Variants in CES5A observed in about 807,000 individuals in gnomAD.
The protein encoded by CES5A is carboxylesterase 5.
In CES5A, 67 loss-of-function variants were observed where a neutral mutation model predicts 62.9. The observed-to-expected ratio is 1.07, with a 90% CI of 0.88 to 1.31. The LOEUF (loss-of-function observed/expected upper bound fraction) is 1.31, where lower values mean the gene tolerates loss of function less well. Among genes scored for constraint, CES5A ranks in the 50% most tolerant of loss-of-function variants. The pLI, the probability that CES5A is intolerant of heterozygous loss-of-function variation, is 0.00. For synonymous variants in CES5A, 296 were observed against 280.8 expected (o/e 1.05, Z -0.54); for missense variants, 748 against 708.5 (o/e 1.06, Z -0.63).
Position 55,943,988 on chromosome 16 carries a change from CCA to C in CES5A, c.160+5795_160+5796del, listed in dbSNP as rs377497781. 6.6e-4 allele frequency: 466 copies of C among 701,224 alleles called. 11 individuals are homozygous for C. The South Asian group carries it at 6.7e-3, about 10-fold the overall frequency. The allele number at this position is 701,224 out of a possible 1,614,324, so 43.4% of individuals were successfully genotyped here. A position where few individuals can be genotyped will look rare whatever the true frequency, so the allele number is the denominator to read the frequency against. On this transcript the variant is annotated intron_variant, in intron 2 of 13. Coordinates refer to the CES5A transcript ENST00000521992. ...TATGAGCATTATCAGCCCAGGTATC[CCA>C]CCTGAGGATTCTCTTTCCAGGGAAA...
chr16:55,944,802 G>A (rs553847884), intron 2 of CES5A, among the ~76,000 whole-genome samples: 1 of 152,256 alleles, frequency 6.6e-6, no homozygotes, highest in East Asian at 1.9e-4. Context: ...AGCCATACTT[G>A]AAGTGAATTT....
intron 1 of CES5A, among the ~76,000 whole-genome samples, chr16:55,904,845 C>A (rs2034024090): frequency 6.6e-6 from 1 of 152,086 alleles, no homozygotes; most frequent in South Asian, 2.1e-4. Flanking sequence ...GGGTCAGCAC[C>A]CCATGTTTCT....
intron 1 of CES5A, among the ~76,000 whole-genome samples, chr16:55,955,325 A>T (rs2034597748): frequency 6.6e-6 from 1 of 152,192 alleles, no homozygotes. Context: ...GCTGAAACTA[A>T]TCCCCCCCAT....
Position 55,865,980 on chromosome 16 carries a change from T to C in CES5A, c.688A>G (p.Ile230Val), listed in dbSNP as rs756849907. 40 of 1,614,102 alleles carry C rather than the reference T, an allele frequency of 2.5e-5. No individual in the cohort carries two copies. The highest frequency in any genetic ancestry group is 5.0e-5 in the Admixed American group (3 of 60,002). Residue 230 changes from isoleucine (I) to valine (V), a missense_variant, in exon 5 of 13, where the codon ATA (isoleucine) becomes GTA (valine). Coordinates refer to ENST00000290567, the MANE Select transcript of CES5A (RefSeq NM_001143685.2). Reference protein sequence around the residue: ...VTIFGESAGAISVSSLILSPM... With the variant: ...VTIFGESAGAVSVSSLILSPM... ...GAACTCACAAGACTAGAAACACTTA[T>C]GGCTCCCGCGGACTCGCCAAAGATG... is the stretch of plus-strand genomic sequence containing the variant.
chr16:55,934,681 CGT>C (rs2034350981), intron 2 of CES5A, among the ~76,000 whole-genome samples: 1 of 143,758 alleles, frequency 7.0e-6, no homozygotes, highest in Non-Finnish European at 1.5e-5. Context: ...TGTGTGTGCG[CGT>C]GTGCATGTGC....
At chr16:55,888,689 C>G (rs977213339) in intron 1 of CES5A, among the ~76,000 whole-genome samples, 4 of 152,226 alleles carry the variant, frequency 2.6e-5, no homozygotes, top group Non-Finnish European at 5.9e-5. Context: ...GTGTCAGTCA[C>G]TGTGCTAAGC....
At chr16:55,883,417 A>G (rs1407235100) in intron 1 of CES5A, among the ~76,000 whole-genome samples, 18 of 152,066 alleles carry the variant, frequency 1.2e-4, no homozygotes, top group Admixed American at 3.9e-4. Context: ...GATTACAGGC[A>G]TGCACCACCA....
Position 55,934,681 on chromosome 16 carries a change from C to T in CES5A, c.160+15104G>A, listed in dbSNP as rs575675612. On this transcript the variant is annotated intron_variant, in intron 2 of 13. Coordinates refer to the CES5A transcript ENST00000521992. ...GGGTGTGTGTGTGTGTGTGTGTGCGCGTGTGCATGTGCACATGCATGCATG... is the reference window on the plus strand; with the variant it reads ...GGGTGTGTGTGTGTGTGTGTGTGCGTGTGTGCATGTGCACATGCATGCATG... Among the ~76,000 whole-genome samples the T allele has an allele frequency of 5.1e-3, 728 of 143,850 alleles. 7 individuals carry two copies. Among genetic ancestry groups the T allele is most frequent in the Middle Eastern group, 0.011 (3 of 282 alleles). The allele number at this position is 143,850 out of a possible 152,430, so 94.4% of individuals were successfully genotyped here. A position where few individuals can be genotyped will look rare whatever the true frequency, so the allele number is the denominator to read the frequency against.
chr16:55,857,256 C>T (rs2033261234), intron 8 of CES5A, among the ~76,000 whole-genome samples: 1 of 152,186 alleles, frequency 6.6e-6, no homozygotes, highest in African/African-American at 2.4e-5. Context: ...CAACAAGTAC[C>T]TCCCGCGAGG....
intron 1 of CES5A, among the ~76,000 whole-genome samples, chr16:55,906,439 A>G (rs1353707299): frequency 2.0e-5 from 3 of 152,202 alleles, no homozygotes; most frequent in African/African-American, 4.8e-5. Flanking sequence ...GGGCAGAAAG[A>G]TGTCTCCATT....
chr16:55,847,718 G>C (rs1191105927), intron 11 of CES5A, among the ~76,000 whole-genome samples: 3 of 152,018 alleles, frequency 2.0e-5, no homozygotes, highest in African/African-American at 4.8e-5. Context: ...GTTGTTCTAT[G>C]AGCATGTAAT....
At chr16:55,935,719 G>A (rs900885587) in intron 2 of CES5A, among the ~76,000 whole-genome samples, 10 of 151,490 alleles carry the variant, frequency 6.6e-5, no homozygotes, top group African/African-American at 2.2e-4. Context: ...CTGGGTAGAT[G>A]TCTGTGTGTA....
At chr16:55,889,380 T>C (rs2033850626) in intron 1 of CES5A, among the ~76,000 whole-genome samples, 1 of 152,204 alleles carries the variant, frequency 6.6e-6, no homozygotes, top group Non-Finnish European at 1.5e-5. Flanking sequence ...AGTAGTAGGT[T>C]GTGACTCTTA....
chr16:55,914,899 A>C (rs941344942), intron 1 of CES5A, among the ~76,000 whole-genome samples: 1 of 152,194 alleles, frequency 6.6e-6, no homozygotes, highest in African/African-American at 2.4e-5. Flanking sequence ...CTGTGGTTAC[A>C]TAAGATGTTA....
rs370475213 is a variant in CES5A, at chr16:55,873,857, C to T, written c.254G>A (p.Arg85Gln). Residue 85 changes from arginine to glutamine, a missense_variant, in exon 2 of 13, where the codon CGA becomes CAA. Coordinates refer to ENST00000290567, the MANE Select transcript of CES5A (RefSeq NM_001143685.2). ...PQPASPWDNLREATSYPNLCL... is the reference protein window; with the variant it reads ...PQPASPWDNLQEATSYPNLCL... ...CAAATTAGGGTAGGAGGTGGCTTCTCGCAAGTTATCCCAGGGCGATGCAGG... is the reference window on the plus strand; with the variant it reads ...CAAATTAGGGTAGGAGGTGGCTTCTTGCAAGTTATCCCAGGGCGATGCAGG... The T allele has an allele frequency of 9.9e-6, 16 of 1,613,202 alleles. No individual in the cohort carries two copies. Among genetic ancestry groups the T allele is most frequent in the Admixed American group, 6.7e-5 (4 of 59,998 alleles).
Position 55,849,741 on chromosome 16 carries a change from G to C in CES5A, c.1306C>G (p.Arg436Gly), listed in dbSNP as rs377067784. 1 of 1,613,974 alleles carries C rather than the reference G, an allele frequency of 6.2e-7. No homozygotes were observed. The highest frequency in any genetic ancestry group is 8.5e-7 in the Non-Finnish European group (1 of 1,179,890). ...AGAPVYFYEF[R>G]HRPQCFEDTK... ...TCTTCAAAGCACTGAGGCCGGTGCC[G>C]AAACTCATAGAAGTAGACAGGTGCA... Residue 436 changes from arginine (R) to glycine (G), a missense_variant, in exon 11 of 13, where the codon CGG (arginine) becomes GGG (glycine). Arg to Gly is a moderately radical substitution (Grantham distance 125, BLOSUM62 -2). Transcript: ENST00000290567.
chr16:55,935,544 C>T (rs1249433490), intron 2 of CES5A, among the ~76,000 whole-genome samples: 2 of 152,166 alleles, frequency 1.3e-5, no homozygotes, highest in African/African-American at 4.8e-5. Context: ...ATCATCACAT[C>T]CATCTTAGAA....
At chr16:55,882,573 CA>C (rs771342188) in intron 1 of CES5A, among the ~76,000 whole-genome samples, 1 of 152,220 alleles carries the variant, frequency 6.6e-6, no homozygotes, top group Non-Finnish European at 1.5e-5. Context: ...ATTTCTTCTT[CA>C]GACCCTACCC....
intron 1 of CES5A, 137 bp downstream of exon 1, chr16:55,875,012 A>G: frequency 1.1e-6 from 1 of 903,966 alleles, no homozygotes; most frequent in Non-Finnish European, 1.8e-6. Context: ...CAACAGCAGA[A>G]TACTGATGCC....
Sources: gnomAD v4.1 joint callset for allele counts (sites outside exome capture counted in the v4.1 genomes callset) on GRCh38, gnomAD v4.1.1 for gene constraint, MANE v1.5 for transcripts, NCBI Gene and HGNC (gene_info 2026-07-23, HGNC 2026-07-21) for gene names.